GARIN1B: variants seen among roughly 807,000 people sequenced by gnomAD.
GARIN1B encodes the protein Golgi-associated RAB2 interactor protein 1B.
chr7:128,731,294 C>A, the GARIN1B span: 1 of 679,790 alleles, frequency 1.5e-6, no homozygotes, highest in Non-Finnish European at 2.6e-6. Context: ...CTCGCCACTG[C>A]ACCTCGGCAT....
At chr7:128,715,579 G>A in the GARIN1B span, 4 of 1,614,032 alleles carry the variant, frequency 2.5e-6, no homozygotes, top group South Asian at 1.1e-5. Context: ...ATGGAGAGCC[G>A]AACCCTGGAG....
the GARIN1B span, among the ~76,000 whole-genome samples, chr7:128,721,766 T>C: frequency 1.6e-4 from 24 of 152,338 alleles, no homozygotes; most frequent in African/African-American, 5.8e-4. Flanking sequence ...ATTCCCTTTC[T>C]TCCTATTTAT....
the GARIN1B span, chr7:128,723,214 C>T: frequency 6.2e-7 from 1 of 1,611,758 alleles, no homozygotes; most frequent in African/African-American, 1.3e-5. Context: ...AGAAGAAACT[C>T]CAAGCCTCCC....
At chr7:128,724,994 G>A in the GARIN1B span, 9 of 725,224 alleles carry the variant, frequency 1.2e-5, no homozygotes, top group African/African-American at 7.5e-5. Context: ...TAGTGCCAAC[G>A]CCATCCAGAT....
At chr7:128,725,049 A>T in the GARIN1B span, 91 of 277,032 alleles carry the variant, frequency 3.3e-4, no homozygotes, top group African/African-American at 2.0e-3. Context: ...TTAGAATGCT[A>T]CTCAGCAGAT....
At chr7:128,716,701 C>A in the GARIN1B span, 2 of 898,432 alleles carry the variant, frequency 2.2e-6, no homozygotes, top group Non-Finnish European at 3.3e-6. Context: ...CTACCCTCAA[C>A]AAAGAATATC....
At chr7:128,718,956 T>C in the GARIN1B span, 1 of 1,614,200 alleles carries the variant, frequency 6.2e-7, no homozygotes, top group Non-Finnish European at 8.5e-7. Context: ...GAGACTGTCT[T>C]CCACTTCTGG....
At chr7:128,724,057 C>T in the GARIN1B span, among the ~76,000 whole-genome samples, 24 of 152,228 alleles carry the variant, frequency 1.6e-4, no homozygotes, top group Admixed American at 1.6e-3. Flanking sequence ...GTCGCCCAGG[C>T]TGGAGTGCAG....
At chr7:128,711,440 A>C in the GARIN1B span, among the ~76,000 whole-genome samples, 5 of 152,190 alleles carry the variant, frequency 3.3e-5, no homozygotes, top group Non-Finnish European at 2.9e-5. Context: ...AGATTAAAAT[A>C]AGCTAAGGGA....
the GARIN1B span, among the ~76,000 whole-genome samples, chr7:128,717,758 GT>G: frequency 0.48 from 69,586 of 145,430 alleles, 16,395 homozygotes; most frequent in Admixed American, 0.56. Flanking sequence ...GGTTTTTTTT[GT>G]TTTTTTTTTT....
At chr7:128,717,426 TTTTC>T in the GARIN1B span, among the ~76,000 whole-genome samples, 1 of 148,414 alleles carries the variant, frequency 6.7e-6, no homozygotes, top group African/African-American at 2.5e-5. Context: ...TTCTTTGTCT[TTTTC>T]TTTTTCTTTC....
At chr7:128,715,433 T>C in the GARIN1B span, 41 of 1,612,854 alleles carry the variant, frequency 2.5e-5, 1 homozygote, top group South Asian at 4.2e-4. Flanking sequence ...CCCCTGAGCA[T>C]GTGTAGAAAT....
chr7:128,713,654 A>G, the GARIN1B span, among the ~76,000 whole-genome samples: 2 of 152,198 alleles, frequency 1.3e-5, no homozygotes, highest in East Asian at 1.9e-4. Context: ...GAGCTAAAAA[A>G]TCCTTTGCTC....
chr7:128,730,654 CT>C, the GARIN1B span, among the ~76,000 whole-genome samples: 33 of 150,068 alleles, frequency 2.2e-4, no homozygotes, highest in Non-Finnish European at 4.6e-4. Flanking sequence ...ACCACCAACT[CT>C]TTTTTTTTTG....
the GARIN1B span, chr7:128,731,313 T>TC: frequency 1.6e-6 from 1 of 628,860 alleles, no homozygotes. Flanking sequence ...ATATGCCACC[T>TC]CCATGCCACT....
At chr7:128,715,219 G>A in the GARIN1B span, 1 of 984,590 alleles carries the variant, frequency 1.0e-6, no homozygotes, top group East Asian at 1.1e-4. Flanking sequence ...GAAAAGGGCT[G>A]GGGAATGTCC....
chr7:128,710,900 C>T, the GARIN1B span, among the ~76,000 whole-genome samples: 17 of 152,068 alleles, frequency 1.1e-4, no homozygotes, highest in Middle Eastern at 0.014. Flanking sequence ...TCAGGTGATC[C>T]GCCCGCCTCA....
chr7:128,714,607 C>G, the GARIN1B span, among the ~76,000 whole-genome samples: 1 of 151,960 alleles, frequency 6.6e-6, no homozygotes, highest in Non-Finnish European at 1.5e-5. Flanking sequence ...AGAATTTGGT[C>G]CAAATTAGAA....
the GARIN1B span, among the ~76,000 whole-genome samples, chr7:128,723,982 G>A: frequency 6.6e-6 from 1 of 152,160 alleles, no homozygotes; most frequent in South Asian, 2.1e-4. Context: ...AGGTGAAAAA[G>A]TAAAACCTAA....
Sources: gnomAD v4.1 joint callset for allele counts (sites outside exome capture counted in the v4.1 genomes callset) on GRCh38, gnomAD v4.1.1 for gene constraint, MANE v1.5 for transcripts, NCBI Gene and HGNC (gene_info 2026-07-23, HGNC 2026-07-21) for gene names.